Variants in AHI1 observed in about 807,000 individuals in gnomAD.
The protein encoded by AHI1 is jouberin.
AHI1 carries 123 observed loss-of-function variants against 149.3 expected under a neutral mutation model. The observed-to-expected ratio is 0.82, with a 90% CI of 0.71 to 0.96. AHI1 has a LOEUF of 0.96. Among genes scored for constraint, AHI1 ranks in the 40% least tolerant of loss-of-function variants. The pLI is 0.00. For synonymous variants in AHI1, 475 were observed against 459.8 expected (o/e 1.03, Z -0.42); for missense variants, 1,439 against 1,422.7 (o/e 1.01, Z -0.18).
In AHI1 at chr6:135,383,086, C is replaced by T. The variant is rs185234117; in HGVS notation, c.3109+11690G>A. Among the ~76,000 whole-genome samples, 916 of 148,886 alleles carry T rather than the reference C, an allele frequency of 6.2e-3. 9 individuals are homozygous for T. Among genetic ancestry groups the T allele is most frequent in the African/African-American group, 0.021 (839 of 40,690 alleles). On this transcript the variant is annotated intron_variant, in intron 23 of 28. Coordinates refer to ENST00000265602, the MANE Select transcript of AHI1 (RefSeq NM_001134831.2). ...ATATGATTAATTTGGAGAAAAAGAC[C>T]TTTTATTTTGTGAATTAAAATATTT...
intron 24 of AHI1, among the ~76,000 whole-genome samples, chr6:135,353,884 A>C (rs1171687196): frequency 6.6e-6 from 1 of 152,148 alleles, no homozygotes; most frequent in African/African-American, 2.4e-5. Context: ...ACTTTGAAGA[A>C]AGGTAACTGC....
chr6:135,351,566 AT>A (rs1427615917), intron 24 of AHI1, among the ~76,000 whole-genome samples: 11 of 152,226 alleles, frequency 7.2e-5, no homozygotes, highest in African/African-American at 2.7e-4. Flanking sequence ...TACTTCTAAC[AT>A]TGCTTCTCAA....
At chr6:135,479,811 CCACATGTTGAAAGAGG>C (rs1189010502) in intron 5 of AHI1, among the ~76,000 whole-genome samples, 1 of 152,160 alleles carries the variant, frequency 6.6e-6, no homozygotes, top group Non-Finnish European at 1.5e-5. Context: ...TGATGAATTA[CCACATGTTGAAAGAGG>C]CACCAGGTGG....
At chr6:135,486,320 C>A (rs999469293) in intron 5 of AHI1, among the ~76,000 whole-genome samples, 1 of 152,084 alleles carries the variant, frequency 6.6e-6, no homozygotes, top group African/African-American at 2.4e-5. Flanking sequence ...TCCTAGAACC[C>A]CACAGCATGC....
At chr6:135,346,087 A>T (rs1366472402) in intron 24 of AHI1, among the ~76,000 whole-genome samples, 7 of 152,222 alleles carry the variant, frequency 4.6e-5, no homozygotes, top group Admixed American at 4.6e-4. Flanking sequence ...ATTGCTCATA[A>T]GACCAAACAG....
intron 27 of AHI1, 122 bp downstream of exon 27, chr6:135,300,378 T>A: frequency 4.0e-6 from 4 of 994,386 alleles, no homozygotes; most frequent in South Asian, 4.4e-5. Context: ...TCCTTTAAAA[T>A]CAACTATCTG....
intron 13 of AHI1, among the ~76,000 whole-genome samples, chr6:135,443,642 C>G (rs961751387): frequency 9.2e-5 from 14 of 152,168 alleles, no homozygotes; most frequent in African/African-American, 3.4e-4. Flanking sequence ...GCTTTCTAGA[C>G]AGGTACCAGG....
chr6:135,358,947 C>T (rs1369119709), intron 23 of AHI1, among the ~76,000 whole-genome samples: 1 of 152,214 alleles, frequency 6.6e-6, no homozygotes, highest in African/African-American at 2.4e-5. Flanking sequence ...AGCAAACTAA[C>T]ATATAATTTA....
chr6:135,412,849 T>C lies in AHI1; in HGVS notation c.2765-1305A>G, dbSNP rs181343593. Among the ~76,000 whole-genome samples the C allele has an allele frequency of 3.3e-5, 5 of 152,278 alleles. No individual in the cohort carries two copies. The East Asian group carries it at 7.7e-4, about 23-fold the overall frequency. ...AATGGATAAACCTTCAGGGAGTCTA[T>C]GGACTACTGAAATTACTATGGAAAT... On this transcript the variant is annotated intron_variant, in intron 20 of 28. Transcript: ENST00000265602.
intron 5 of AHI1, among the ~76,000 whole-genome samples, chr6:135,476,605 C>A (rs1011158829): frequency 6.6e-6 from 1 of 151,822 alleles, no homozygotes; most frequent in African/African-American, 2.4e-5. Context: ...GCTGATTTAT[C>A]TATTTCTCAT....
chr6:135,330,135 T>C (rs1237084709), intron 24 of AHI1, among the ~76,000 whole-genome samples: 2 of 152,242 alleles, frequency 1.3e-5, no homozygotes, highest in African/African-American at 4.8e-5. Flanking sequence ...ATAAATTTAG[T>C]TGATAAAGCA....
chr6:135,386,193 A>G (rs886274504), intron 23 of AHI1, among the ~76,000 whole-genome samples: 13 of 152,086 alleles, frequency 8.5e-5, no homozygotes, highest in Non-Finnish European at 1.6e-4. Context: ...TCTGAAGTTC[A>G]TTCCTCCACG....
intron 23 of AHI1, among the ~76,000 whole-genome samples, chr6:135,380,729 T>TA (rs1285895418): frequency 1.6e-4 from 9 of 57,314 alleles, no homozygotes; most frequent in South Asian, 9.3e-4. Context: ...TTAAGTAAAA[T>TA]AACCCCCCCC....
At chr6:135,314,219 A>G (rs1785613337) in intron 26 of AHI1, among the ~76,000 whole-genome samples, 1 of 151,006 alleles carries the variant, frequency 6.6e-6, no homozygotes, top group African/African-American at 2.4e-5. Context: ...GGAGGTAATT[A>G]GGTCTTGAGG....
intron 26 of AHI1, chr6:135,302,073 C>T (rs918508976): frequency 3.1e-6 from 3 of 966,814 alleles, no homozygotes; most frequent in Middle Eastern, 5.3e-4. Flanking sequence ...CTCACTGCAG[C>T]CTTGAACTCC....
In AHI1 at chr6:135,444,800, T is replaced by C. The variant is rs1786902735; in HGVS notation, c.1780-2086A>G. 2.0e-5 allele frequency among the ~76,000 whole-genome samples: 3 copies of C among 152,250 alleles called. No homozygotes were observed. The South Asian group carries it at 6.2e-4, about 31-fold the overall frequency. On this transcript the variant is annotated intron_variant, in intron 13 of 28. Coordinates refer to ENST00000265602, the MANE Select transcript of AHI1 (RefSeq NM_001134831.2). Reference sequence around the variant, plus strand: ...TTGTGATATCACGTTATTTAGCCTCTAGAAAATGCTAGTACATACTTGTAA... The same window carrying C: ...TTGTGATATCACGTTATTTAGCCTCCAGAAAATGCTAGTACATACTTGTAA...
intron 23 of AHI1, among the ~76,000 whole-genome samples, chr6:135,373,570 T>C (rs1167834918): frequency 6.6e-6 from 1 of 152,230 alleles, no homozygotes; most frequent in Non-Finnish European, 1.5e-5. Context: ...GAGACACTTT[T>C]AGTATTTATT....
At chr6:135,324,679 G>A (rs1429554179) in intron 24 of AHI1, among the ~76,000 whole-genome samples, 1 of 151,910 alleles carries the variant, frequency 6.6e-6, no homozygotes, top group Non-Finnish European at 1.5e-5. Flanking sequence ...TGAGATAGAA[G>A]GTTAGGAGAA....
chr6:135,439,640 C>A (rs562764276), intron 14 of AHI1, among the ~76,000 whole-genome samples: 1 of 152,118 alleles, frequency 6.6e-6, no homozygotes, highest in South Asian at 2.1e-4. Context: ...TTGTGAAGAA[C>A]GAAAAAGAGG....
Sources: allele counts gnomAD v4.1 joint callset (sites outside exome capture counted in the v4.1 genomes callset), GRCh38; gene constraint gnomAD v4.1.1; transcripts MANE v1.5; gene names NCBI Gene and HGNC (gene_info 2026-07-23, HGNC 2026-07-21).